The following GABPB1 variants were observed in gnomAD, a reference collection of about 807,000 sequenced individuals.
GABPB1 encodes GA-binding protein subunit beta-1.
GABPB1 carries 15 observed loss-of-function variants against 45.9 expected under a neutral mutation model. That is an observed-to-expected ratio of 0.33 (90% confidence interval 0.22 to 0.50). The LOEUF is 0.50. GABPB1 is among the 20% of genes least tolerant of loss of function. The pLI, the probability that GABPB1 is intolerant of heterozygous loss-of-function variation, is 0.98. For synonymous variants in GABPB1, 143 were observed against 154.4 expected (o/e 0.93, Z 0.55); for missense variants, 252 against 457.5 (o/e 0.55, Z 4.10).
intron 1 of GABPB1, among the ~76,000 whole-genome samples, chr15:50,310,897 AAC>A (rs2047109311): frequency 6.6e-6 from 1 of 151,858 alleles, no homozygotes; most frequent in Admixed American, 6.6e-5. Context: ...GAATCACTTG[AAC>A]CCAGGAGGCG....
chr15:50,347,580 G>A (rs1242701513), intron 1 of GABPB1: 1 of 152,032 alleles, frequency 6.6e-6, no homozygotes, highest in Non-Finnish European at 1.5e-5. Context: ...AAGTGCTGTG[G>A]AAATAAAGGA....
At chr15:50,319,623 G>T (rs532395311) in intron 1 of GABPB1, among the ~76,000 whole-genome samples, 1 of 152,258 alleles carries the variant, frequency 6.6e-6, no homozygotes, top group South Asian at 2.1e-4. Flanking sequence ...AAATCACGAG[G>T]TCAGGAGTTC....
chr15:50,317,962 A>C (rs567288452), intron 1 of GABPB1, among the ~76,000 whole-genome samples: 2 of 151,994 alleles, frequency 1.3e-5, no homozygotes, highest in Non-Finnish European at 2.9e-5. Context: ...AAAAGTATGT[A>C]AAATATGACT....
At chr15:50,324,690 G>T (rs778314667) in intron 1 of GABPB1, among the ~76,000 whole-genome samples, 2 of 151,764 alleles carry the variant, frequency 1.3e-5, no homozygotes, top group Non-Finnish European at 2.9e-5. Flanking sequence ...GATTACAGGC[G>T]CATGCCACCA....
intron 1 of GABPB1, among the ~76,000 whole-genome samples, chr15:50,347,881 C>A (rs2048654158): frequency 6.6e-6 from 1 of 151,998 alleles, no homozygotes; most frequent in Non-Finnish European, 1.5e-5. Context: ...CATGGCTAAA[C>A]CCCGTCTCTA....
At chr15:50,319,253 T>C (rs2141085449) in intron 1 of GABPB1, among the ~76,000 whole-genome samples, 2 of 151,992 alleles carry the variant, frequency 1.3e-5, no homozygotes, top group South Asian at 4.1e-4. Context: ...TTCAACTATG[T>C]GCACATATAA....
intron 1 of GABPB1, among the ~76,000 whole-genome samples, chr15:50,330,204 A>G (rs976307366): frequency 3.3e-5 from 5 of 151,994 alleles, no homozygotes; most frequent in African/African-American, 1.2e-4. Context: ...ATGCCCAGCC[A>G]CCATTCCCTA....
chr15:50,319,084 C>G (rs910291123), intron 1 of GABPB1, among the ~76,000 whole-genome samples: 5 of 151,994 alleles, frequency 3.3e-5, no homozygotes, highest in Admixed American at 2.0e-4. Context: ...CAAAAGGTAT[C>G]TAATGTGGAA....
intron 1 of GABPB1, among the ~76,000 whole-genome samples, chr15:50,315,728 A>G (rs974947936): frequency 6.6e-6 from 1 of 152,242 alleles, no homozygotes; most frequent in African/African-American, 2.4e-5. Flanking sequence ...ACATTGACCA[A>G]GGGGAGCATA....
chr15:50,349,519 G>A (rs1482524539), intron 1 of GABPB1: 1 of 152,180 alleles, frequency 6.6e-6, no homozygotes, highest in Non-Finnish European at 1.5e-5. Flanking sequence ...CACACAGCTA[G>A]AGTATGACTA....
At position 50,302,962 on chromosome 15, in the gene GABPB1, G is replaced by C. The variant is rs2046811193; in HGVS notation, c.438C>G (p.Asp146Glu). ...FCKTAFDISIDNGNEDLAEIL... is the reference protein window; with the variant it reads ...FCKTAFDISIENGNEDLAEIL... ...TCTCTGCTAAATCTTCATTTCCATT[G>C]TCTATTGAAATATCAAATGCAGTTT... The change falls in exon 4 of 9, where the codon GAC becomes GAG. Residue 146 changes from aspartate to glutamate, a missense_variant. By Grantham distance (45) the Asp-to-Glu change is conservative. Transcript: ENST00000380877. The C allele has an allele frequency of 6.2e-7, 1 of 1,612,538 alleles. No individual in the cohort carries two copies. The highest frequency in any genetic ancestry group is 1.7e-5 in the Admixed American group (1 of 59,952).
intron 1 of GABPB1, among the ~76,000 whole-genome samples, chr15:50,311,832 T>A (rs58035812): frequency 6.6e-6 from 1 of 152,032 alleles, no homozygotes; most frequent in South Asian, 2.1e-4. Flanking sequence ...GGGGTAATTA[T>A]AAGAAAAGCT....
intron 6 of GABPB1, among the ~76,000 whole-genome samples, chr15:50,291,517 C>T (rs1048891845): frequency 2.0e-5 from 3 of 149,482 alleles, no homozygotes; most frequent in Non-Finnish European, 4.4e-5. Context: ...TTAGTAGAGA[C>T]GGGTTACACC....
At chr15:50,327,021 T>C (rs922902676) in intron 1 of GABPB1, among the ~76,000 whole-genome samples, 1 of 152,134 alleles carries the variant, frequency 6.6e-6, no homozygotes, top group African/African-American at 2.4e-5. Flanking sequence ...TGCCACTGAC[T>C]ATGCCTTTGC....
At chr15:50,326,154 A>G in intron 1 of GABPB1, among the ~76,000 whole-genome samples, 1 of 149,386 alleles carries the variant, frequency 6.7e-6, no homozygotes, top group East Asian at 2.1e-4. Flanking sequence ...TGATCCACCC[A>G]CCTCGGCCTC....
rs533246429 is a variant in GABPB1, at chr15:50,295,379, C to T, written c.697+5410G>A. On this transcript the variant is annotated intron_variant, in intron 6 of 8. Transcript: ENST00000380877. ...GGTCCCCTAAAAAGTCAAGCTCTTT[C>T]CTGCCTCAAAAGCTTCACATGTCCC... Among the ~76,000 whole-genome samples, 51 of 152,254 alleles carry T rather than the reference C, an allele frequency of 3.3e-4. 2 individuals carry two copies. Among genetic ancestry groups the T allele is most frequent in the Admixed American group, 2.9e-3 (44 of 15,276 alleles).
intron 1 of GABPB1, among the ~76,000 whole-genome samples, chr15:50,340,297 T>C (rs951375974): frequency 2.6e-5 from 4 of 152,212 alleles, no homozygotes; most frequent in Non-Finnish European, 4.4e-5. Flanking sequence ...TATTTTGTTA[T>C]AGTACCCCAA....
intron 1 of GABPB1, among the ~76,000 whole-genome samples, chr15:50,344,907 T>C (rs558942217): frequency 4.3e-4 from 65 of 152,212 alleles, no homozygotes; most frequent in African/African-American, 1.5e-3. Flanking sequence ...AATTTAAGTA[T>C]GATAAAATTA....
intron 1 of GABPB1, among the ~76,000 whole-genome samples, chr15:50,312,192 A>G (rs2141057800): frequency 6.6e-6 from 1 of 152,102 alleles, no homozygotes; most frequent in Admixed American, 6.6e-5. Flanking sequence ...TAAAAATTCA[A>G]TCCAGCCTGG....
Sources: gnomAD v4.1 joint callset for allele counts (sites outside exome capture counted in the v4.1 genomes callset) on GRCh38, gnomAD v4.1.1 for gene constraint, MANE v1.5 for transcripts, NCBI Gene and HGNC (gene_info 2026-07-23, HGNC 2026-07-21) for gene names.